XXYLT1: variants seen among roughly 807,000 people sequenced by gnomAD.
XXYLT1 encodes the protein xyloside xylosyltransferase 1.
XXYLT1 carries 20 observed loss-of-function variants against 28.9 expected under a neutral mutation model. That is an observed-to-expected ratio of 0.69 (90% CI 0.49 to 1.00). The LOEUF is 1.00. Ranked by LOEUF, XXYLT1 falls within the 50% of genes least tolerant of loss-of-function variation. XXYLT1 has a pLI of 0.00. For missense variants in XXYLT1, 542 were observed against 560.1 expected (o/e 0.97, Z 0.33); for synonymous variants, 257 against 253.8 (o/e 1.01, Z -0.12).
intron 1 of XXYLT1, among the ~76,000 whole-genome samples, chr3:195,228,967 C>A (rs1192550126): frequency 6.6e-6 from 1 of 152,026 alleles, no homozygotes; most frequent in Non-Finnish European, 1.5e-5. Flanking sequence ...CGCCCACCAC[C>A]ATGCCTGGCT....
At chr3:195,104,914 A>C (rs926062705) in intron 3 of XXYLT1, among the ~76,000 whole-genome samples, 1 of 152,200 alleles carries the variant, frequency 6.6e-6, no homozygotes, top group Non-Finnish European at 1.5e-5. Context: ...TTGATTCGCA[A>C]GTCTAGCTAC....
At chr3:195,135,195 C>T (rs965955229) in intron 3 of XXYLT1, among the ~76,000 whole-genome samples, 1 of 152,130 alleles carries the variant, frequency 6.6e-6, no homozygotes, top group Non-Finnish European at 1.5e-5. Flanking sequence ...ATGCTGCAGG[C>T]GGAATCCAAC....
At chr3:195,136,251 T>G (rs2108638636) in intron 3 of XXYLT1, among the ~76,000 whole-genome samples, 1 of 152,314 alleles carries the variant, frequency 6.6e-6, no homozygotes, top group East Asian at 1.9e-4. Context: ...AACGCCAACG[T>G]AGGACCCTCA....
intron 3 of XXYLT1, among the ~76,000 whole-genome samples, chr3:195,088,756 G>C (rs930431815): frequency 1.4e-5 from 2 of 140,324 alleles, no homozygotes; most frequent in African/African-American, 5.3e-5. Context: ...CAAACCAAAG[G>C]CAAAGAAGTT....
intron 3 of XXYLT1, among the ~76,000 whole-genome samples, chr3:195,149,525 G>A (rs1039894376): frequency 1.3e-5 from 2 of 152,186 alleles, no homozygotes; most frequent in Non-Finnish European, 2.9e-5. Flanking sequence ...CCCACGCACG[G>A]GGGAAAGTGG....
At chr3:195,110,211 T>TGTGGGGGTGAG (rs1717466596) in intron 3 of XXYLT1, among the ~76,000 whole-genome samples, 1 of 9,504 alleles carries the variant, frequency 1.1e-4, no homozygotes. Context: ...GTGTGGTGTG[T>TGTGGGGGTGAG]GCGTGTGTGG....
chr3:195,144,069 T>A (rs1489006298), intron 3 of XXYLT1, among the ~76,000 whole-genome samples: 1 of 148,718 alleles, frequency 6.7e-6, no homozygotes, highest in African/African-American at 2.5e-5. Context: ...GATTTTTGTA[T>A]TTTTATTAGA....
Position 195,094,844 on chromosome 3 carries a change from G to A in XXYLT1, c.786-24733C>T, listed in dbSNP as rs190590249. ...GCAAATGCTGCCTCTGCTCCACCAC[G>A]CACCTGTTCTGTGGCTCAGCTCTGC... is the stretch of plus-strand genomic sequence containing the variant. On this transcript the variant is annotated intron_variant, in intron 3 of 3. Coordinates refer to ENST00000310380, the MANE Select transcript of XXYLT1 (RefSeq NM_152531.5). Among the ~76,000 whole-genome samples, 130 of 152,300 alleles carry A rather than the reference G, an allele frequency of 8.5e-4. 1 individual carries two copies. Among genetic ancestry groups the A allele is most frequent in the African/African-American group, 3.0e-3 (126 of 41,552 alleles).
chr3:195,179,108 G>A (rs986168636), intron 2 of XXYLT1, among the ~76,000 whole-genome samples: 7 of 152,042 alleles, frequency 4.6e-5, no homozygotes, highest in African/African-American at 1.4e-4. Flanking sequence ...TTGGGAGGCC[G>A]AGGCGGGCGG....
At chr3:195,196,792 G>C (rs1722643491) in intron 2 of XXYLT1, among the ~76,000 whole-genome samples, 1 of 152,060 alleles carries the variant, frequency 6.6e-6, no homozygotes, top group African/African-American at 2.4e-5. Flanking sequence ...AAGTAATAAG[G>C]AATATTGGAT....
chr3:195,226,024 C>A (rs1442960755), intron 2 of XXYLT1, among the ~76,000 whole-genome samples: 1 of 152,228 alleles, frequency 6.6e-6, no homozygotes, highest in African/African-American at 2.4e-5. Context: ...CAGATTAATA[C>A]ACTGGTCAAT....
intron 2 of XXYLT1, among the ~76,000 whole-genome samples, chr3:195,190,149 T>C (rs1217007269): frequency 7.0e-6 from 1 of 143,002 alleles, no homozygotes; most frequent in Non-Finnish European, 1.5e-5. Context: ...AAAGAACATT[T>C]CTGTATAAAC....
chr3:195,260,204 G>T (rs1725636548), intron 1 of XXYLT1: 1 of 150,410 alleles, frequency 6.6e-6, no homozygotes, highest in African/African-American at 2.4e-5. Context: ...GCGGTGCAGC[G>T]GCGCCCCCAG....
chr3:195,136,218 G>C (rs1362840672), intron 3 of XXYLT1, among the ~76,000 whole-genome samples: 1 of 152,184 alleles, frequency 6.6e-6, no homozygotes, highest in Non-Finnish European at 1.5e-5. Context: ...ACAGAGATGA[G>C]AGATCCACTC....
chr3:195,106,136 G>A (rs1324950759), intron 3 of XXYLT1, among the ~76,000 whole-genome samples: 1 of 152,160 alleles, frequency 6.6e-6, no homozygotes, highest in East Asian at 1.9e-4. Context: ...AATCAATAAA[G>A]TTACTTCATA....
intron 3 of XXYLT1, among the ~76,000 whole-genome samples, chr3:195,117,649 C>CT (rs58465557): frequency 6.7e-6 from 1 of 148,708 alleles, no homozygotes; most frequent in African/African-American, 2.5e-5. Context: ...ATGCACCCCC[C>CT]TCTCTCACGC....
chr3:195,250,300 C>T (rs192303361), intron 1 of XXYLT1, among the ~76,000 whole-genome samples: 2 of 152,346 alleles, frequency 1.3e-5, no homozygotes, highest in South Asian at 2.1e-4. Flanking sequence ...TGTTGGCTTA[C>T]ACCTGTAATC....
At position 195,175,009 on chromosome 3, in the gene XXYLT1, C is replaced by G. The variant is rs147775865; in HGVS notation, c.653-18428G>C. ...CTTGGATTGTCCCTTAGTACACATTCAACAACAACTATTATTTTTTAAAAG... is the reference window on the plus strand; with the variant it reads ...CTTGGATTGTCCCTTAGTACACATTGAACAACAACTATTATTTTTTAAAAG... On this transcript the variant is annotated intron_variant, in intron 2 of 3. Coordinates refer to ENST00000310380, the MANE Select transcript of XXYLT1 (RefSeq NM_152531.5). Among the ~76,000 whole-genome samples, 1,460 of 152,224 alleles carry G rather than the reference C, an allele frequency of 9.6e-3. 25 individuals carry two copies. Among genetic ancestry groups the G allele is most frequent in the African/African-American group, 0.034 (1,391 of 41,520 alleles).
At chr3:195,224,021 T>C (rs751538594) in intron 2 of XXYLT1, among the ~76,000 whole-genome samples, 8 of 152,098 alleles carry the variant, frequency 5.3e-5, no homozygotes, top group Non-Finnish European at 1.0e-4. Flanking sequence ...CCAGGCGTGG[T>C]GGCACATGCC....
Sources: gnomAD v4.1 joint callset for allele counts (sites outside exome capture counted in the v4.1 genomes callset) on GRCh38, gnomAD v4.1.1 for gene constraint, MANE v1.5 for transcripts, NCBI Gene and HGNC (gene_info 2026-07-23, HGNC 2026-07-21) for gene names.